Variants in GTF2H2 observed in about 807,000 individuals in gnomAD.
The protein encoded by GTF2H2 is general transcription factor IIH subunit 2.
GTF2H2 carries 2 observed loss-of-function variants against 16.5 expected under a neutral mutation model. The ratio of observed to expected loss-of-function variants is 0.12; its 90% CI spans 0.05 to 0.38. The LOEUF is 0.38. Among genes scored for constraint, GTF2H2 ranks in the 10% least tolerant of loss-of-function variants. GTF2H2 has a pLI of 0.99. For synonymous variants in GTF2H2, 8 were observed against 44.1 expected, an observed-to-expected ratio of 0.18 and a Z score of 3.24; for missense variants, 20 against 137.0, an observed-to-expected ratio of 0.15 and a Z score of 4.26.
intron 14 of GTF2H2, among the ~76,000 whole-genome samples, chr5:71,039,551 ACTTTTTTT>A (rs1383422981): frequency 2.8e-5 from 4 of 143,910 alleles, no homozygotes; most frequent in Non-Finnish European, 6.0e-5. Flanking sequence ...TTTCTATCCT[ACTTTTTTT>A]CTTTTTTTCT....
intron 7 of GTF2H2, among the ~76,000 whole-genome samples, chr5:71,057,452 CTTT>C (rs1753340733): frequency 7.0e-6 from 1 of 142,462 alleles, no homozygotes; most frequent in African/African-American, 2.7e-5. Flanking sequence ...ATCATGTCTT[CTTT>C]GTCTATTCAT....
intron 14 of GTF2H2, among the ~76,000 whole-genome samples, chr5:71,039,665 T>G (rs1324037630): frequency 1.4e-5 from 2 of 145,568 alleles, no homozygotes; most frequent in East Asian, 4.0e-4. Flanking sequence ...ACTCCTTTTA[T>G]TGTACTTTCT....
chr5:71,058,326 CCTG>C (rs1434595950), intron 7 of GTF2H2: 1 of 133,122 alleles, frequency 7.5e-6, no homozygotes, highest in African/African-American at 2.9e-5. Context: ...ATATAATAAT[CCTG>C]CTTAGTTCAT....
intron 8 of GTF2H2, among the ~76,000 whole-genome samples, chr5:71,052,230 C>T (rs565190922): frequency 2.2e-5 from 3 of 138,858 alleles, no homozygotes; most frequent in African/African-American, 5.7e-5. Flanking sequence ...TGCAATGGCG[C>T]GATCTCGGCT....
chr5:71,036,468 T>C (rs548779264), intron 15 of GTF2H2, among the ~76,000 whole-genome samples: 1 of 88,744 alleles, frequency 1.1e-5, no homozygotes, highest in Non-Finnish European at 2.4e-5. Flanking sequence ...TCTTAAAAAC[T>C]CAAATGAGGC....
At chr5:71,052,083 A>G (rs1171710248) in intron 8 of GTF2H2, among the ~76,000 whole-genome samples, 5 of 141,754 alleles carry the variant, frequency 3.5e-5, no homozygotes, top group East Asian at 1.9e-4. Context: ...TATTTAGTGT[A>G]GTCACCTTCA....
intron 8 of GTF2H2, among the ~76,000 whole-genome samples, chr5:71,053,533 GAT>G (rs1210848736): frequency 8.4e-6 from 1 of 119,396 alleles, no homozygotes; most frequent in Non-Finnish European, 1.8e-5. Context: ...ACCAAAGTGT[GAT>G]ATAGAGGCAA....
chr5:71,051,972 G>A (rs1268827202), intron 8 of GTF2H2, among the ~76,000 whole-genome samples: 3 of 137,200 alleles, frequency 2.2e-5, no homozygotes, highest in Non-Finnish European at 4.8e-5. Flanking sequence ...TTGAGCCTGG[G>A]AGTTTGAGGC....
chr5:71,061,292 C>T lies in GTF2H2; in HGVS notation c.151G>A (p.Gly51Arg), dbSNP rs1753594946. Reference sequence around the variant, plus strand: ...CATACCATTCCAAGTCGAACTTGTCCATGGTGCTCAAATACTCTGTTAAAA... The same window carrying T: ...CATACCATTCCAAGTCGAACTTGTCTATGGTGCTCAAATACTCTGTTAAAA... Residue 51 changes from glycine to arginine, a missense_variant, in exon 4 of 16, where the codon GGA becomes AGA. Physicochemically the swap from Gly to Arg is moderately radical, Grantham distance 125. Coordinates refer to ENST00000274400, the Ensembl canonical transcript of GTF2H2. 34 of 1,502,746 alleles carry T rather than the reference C, an allele frequency of 2.3e-5. No homozygotes were observed. In the South Asian group the frequency reaches 4.0e-4, roughly 18 times the overall value. The allele number at this position is 1,502,746 out of a possible 1,614,324, so 93.1% of individuals were successfully genotyped here.
rs1369412131 is a variant in GTF2H2 at position 71,054,192 on chromosome 5, G to A, written c.470+1160C>T. Among the ~76,000 whole-genome samples the A allele has an allele frequency of 1.5e-4, 22 of 145,702 alleles. 4 individuals carry two copies. The highest frequency in any genetic ancestry group is 5.8e-4 in the African/African-American group (22 of 38,040). ...AAAATGATAGCTTGTAGATTTTTAA[G>A]TTGTGGTGACCAGTTTTCACCTACA... On this transcript the variant is annotated intron_variant, in intron 8 of 15. Transcript: ENST00000274400.
chr5:71,054,862 TTA>T lies in GTF2H2; in HGVS notation c.470+488_470+489del, dbSNP rs1270682785. Reference sequence around the variant, plus strand: ...TATATATATAATATGTATATAAAGCTTATATATATATATAAGCTTTAACTATA... The same window carrying T: ...TATATATATAATATGTATATAAAGCTTATATATATATAAGCTTTAACTATA... On this transcript the variant is annotated intron_variant, in intron 8 of 15. Coordinates refer to ENST00000274400, the Ensembl canonical transcript of GTF2H2. Among the ~76,000 whole-genome samples, 6 of 135,460 alleles carry T rather than the reference TTA, an allele frequency of 4.4e-5. 1 individual carries two copies. Among genetic ancestry groups the T allele is most frequent in the Non-Finnish European group, 7.9e-5 (5 of 63,622 alleles). 88.9% of individuals were successfully genotyped at this position (135,460 alleles called of 152,430 possible).
At chr5:71,046,014 T>C (rs1752314048) in intron 11 of GTF2H2, among the ~76,000 whole-genome samples, 1 of 144,988 alleles carries the variant, frequency 6.9e-6, no homozygotes, top group Non-Finnish European at 1.5e-5. Flanking sequence ...AGTACACCAT[T>C]TTATCTACGT....
At chr5:71,053,364 A>T (rs1752921286) in intron 8 of GTF2H2, among the ~76,000 whole-genome samples, 1 of 142,304 alleles carries the variant, frequency 7.0e-6, no homozygotes, top group African/African-American at 2.7e-5. Flanking sequence ...TGGAGCACTC[A>T]GAACACACGT....
At position 71,036,354 on chromosome 5, in the gene GTF2H2, C is replaced by T. The variant is rs562878; in HGVS notation, c.1069-558G>A. Among the ~76,000 whole-genome samples, 13 of 88,678 alleles carry T rather than the reference C, an allele frequency of 1.5e-4. 3 individuals are homozygous for T. The highest frequency in any genetic ancestry group is 4.2e-4 in the African/African-American group (11 of 26,116). 58.2% of individuals were successfully genotyped at this position (88,678 alleles called of 152,430 possible). On this transcript the variant is annotated intron_variant, in intron 15 of 15. Transcript: ENST00000274400. ...GGATAAAATTTCCAGGGCAGCTTCA[C>T]ACACAGATTCAAAAATCACTAAATC...
At chr5:71,061,303 A>G (rs1343776066) in exon 4 of GTF2H2, 2 of 1,535,518 alleles carry the variant, frequency 1.3e-6, no homozygotes, top group African/African-American at 1.4e-5. Context: ...ATGGTGCTCA[A>G]ATACTCTGTT....
rs1409562441 is a variant in GTF2H2, at chr5:71,055,273, G to T, written c.470+79C>A. 1.2e-5 allele frequency: 16 copies of T among 1,372,424 alleles called. 5 individuals are homozygous for T. In the African/African-American group the frequency reaches 2.3e-4, roughly 20 times the overall value. The allele number at this position is 1,372,424 out of a possible 1,614,324, so 85.0% of individuals were successfully genotyped here. On this transcript the variant is annotated intron_variant, in intron 8 of 15. Coordinates refer to ENST00000274400, the Ensembl canonical transcript of GTF2H2. ...AATTTTGTTATAGCTGGGTTTATGG[G>T]CCCCATATTAACACATCACTTCAGC...
intron 7 of GTF2H2, chr5:71,059,328 T>TGCA (rs1482094237): frequency 6.6e-5 from 4 of 60,554 alleles, no homozygotes; most frequent in African/African-American, 2.1e-4. Flanking sequence ...AGGCGGACTT[T>TGCA]GCAGTGATCC....
chr5:71,036,284 T>C (rs1751742970), intron 15 of GTF2H2, among the ~76,000 whole-genome samples: 1 of 86,342 alleles, frequency 1.2e-5, no homozygotes, highest in African/African-American at 4.0e-5. Context: ...AGGAAAAAAC[T>C]ACATTTGTTC....
chr5:71,039,595 T>A (rs1751954641), intron 14 of GTF2H2, among the ~76,000 whole-genome samples: 1 of 148,518 alleles, frequency 6.7e-6, no homozygotes, highest in Non-Finnish European at 1.5e-5. Context: ...TTGGACCTTC[T>A]GGATAATTCC....
Sources: gnomAD v4.1 joint callset for allele counts (sites outside exome capture counted in the v4.1 genomes callset) on GRCh38, gnomAD v4.1.1 for gene constraint, MANE v1.5 for transcripts, NCBI Gene and HGNC (gene_info 2026-07-23, HGNC 2026-07-21) for gene names.